OTOGL: variants seen among roughly 807,000 people sequenced by gnomAD.
OTOGL encodes the protein otogelin like.
Under a neutral mutation model 318.5 loss-of-function variants are expected in OTOGL, and 285 were observed. The observed-to-expected ratio is 0.89, with a 90% CI of 0.81 to 0.99. The LOEUF (loss-of-function observed/expected upper bound fraction) is 0.99, where lower values mean the gene tolerates loss of function less well. Ranked by LOEUF, OTOGL falls within the 50% of genes least tolerant of loss-of-function variation. OTOGL has a pLI of 0.00. For missense variants in OTOGL, 2,899 were observed against 2,845.6 expected, an observed-to-expected ratio of 1.02 and a Z score of -0.43; for synonymous variants, 987 against 936.5, an observed-to-expected ratio of 1.05 and a Z score of -0.99.
chr12:80,295,524 G>T (rs2137702615), intron 26 of OTOGL, among the ~76,000 whole-genome samples: 1 of 152,282 alleles, frequency 6.6e-6, no homozygotes, highest in East Asian at 1.9e-4. Flanking sequence ...GAAAATAAAT[G>T]CTGACCCATG....
At chr12:80,278,856 C>T (rs980882333) in intron 25 of OTOGL, among the ~76,000 whole-genome samples, 172 bp from the exon 26 acceptor site, 8 of 151,428 alleles carry the variant, frequency 5.3e-5, no homozygotes, top group Non-Finnish European at 1.0e-4. Context: ...AAGTGAAAAA[C>T]GTATGCCTAA....
intron 37 of OTOGL, among the ~76,000 whole-genome samples, chr12:80,332,741 T>C (rs1415324179): frequency 6.6e-6 from 1 of 152,202 alleles, no homozygotes; most frequent in Non-Finnish European, 1.5e-5. Context: ...TAAAGAATGG[T>C]GATTAAAAGC....
intron 34 of OTOGL, among the ~76,000 whole-genome samples, chr12:80,321,845 A>G (rs1316403050): frequency 2.0e-5 from 3 of 152,224 alleles, no homozygotes; most frequent in Non-Finnish European, 1.5e-5. Context: ...TACTTAACAG[A>G]CAGGCAGCAA....
intron 11 of OTOGL, among the ~76,000 whole-genome samples, chr12:80,242,745 A>G (rs1478952245): frequency 6.6e-6 from 1 of 152,138 alleles, no homozygotes; most frequent in Non-Finnish European, 1.5e-5. Context: ...TCTCTGTCCT[A>G]GGAACTCATA....
At chr12:80,134,110 C>G (rs1871401813) in intron 1 of OTOGL, among the ~76,000 whole-genome samples, 1 of 152,128 alleles carries the variant, frequency 6.6e-6, no homozygotes, top group Admixed American at 6.6e-5. Context: ...TGTTACCATC[C>G]TATTATTCAT....
chr12:80,314,209 CAT>C (rs1389438184), intron 31 of OTOGL, 94 bp from the exon 32 acceptor site: 7 of 369,086 alleles, frequency 1.9e-5, no homozygotes, highest in Non-Finnish European at 3.3e-5. Flanking sequence ...TATTCTTTCA[CAT>C]AGTTATTGAT....
At chr12:80,183,419 A>C (rs1875066762) in intron 1 of OTOGL, among the ~76,000 whole-genome samples, 1 of 152,240 alleles carries the variant, frequency 6.6e-6, no homozygotes, top group Non-Finnish European at 1.5e-5. Flanking sequence ...TTGAGAAATC[A>C]GGTGGATAAT....
At chr12:80,215,861 C>G (rs1877669418) in intron 4 of OTOGL, among the ~76,000 whole-genome samples, 1 of 152,116 alleles carries the variant, frequency 6.6e-6, no homozygotes, top group African/African-American at 2.4e-5. Context: ...ACTGTTGTTG[C>G]ATCTAATTTA....
At chr12:80,330,934 A>AT (rs1888028639) in intron 37 of OTOGL, among the ~76,000 whole-genome samples, 1 of 152,228 alleles carries the variant, frequency 6.6e-6, no homozygotes, top group Admixed American at 6.5e-5. Flanking sequence ...GAAGTGTAAA[A>AT]TTTGTACCAT....
At chr12:80,301,824 A>AATT (rs1181663317) in intron 27 of OTOGL, among the ~76,000 whole-genome samples, 1 of 152,194 alleles carries the variant, frequency 6.6e-6, no homozygotes, top group East Asian at 1.9e-4. Flanking sequence ...TAGCAGACCC[A>AATT]ATTGCCATCA....
At chr12:80,354,134 G>C (rs1410499094) in intron 46 of OTOGL, among the ~76,000 whole-genome samples, 1 of 152,184 alleles carries the variant, frequency 6.6e-6, no homozygotes, top group Admixed American at 6.5e-5. Context: ...CCTTCTCAAG[G>C]TTGTGAGTGA....
chr12:80,293,429 T>C (rs1399327895), intron 26 of OTOGL, among the ~76,000 whole-genome samples: 1 of 152,204 alleles, frequency 6.6e-6, no homozygotes, highest in Non-Finnish European at 1.5e-5. Flanking sequence ...TTTTCCCAAC[T>C]TTTTATGTCT....
At chr12:80,241,003 A>G (rs1880325844) in intron 11 of OTOGL, among the ~76,000 whole-genome samples, 1 of 152,126 alleles carries the variant, frequency 6.6e-6, no homozygotes, top group Non-Finnish European at 1.5e-5. Flanking sequence ...ATGAATCCCA[A>G]GAAGTATAAG....
At chr12:80,355,019 C>T (rs4842282) in intron 46 of OTOGL, among the ~76,000 whole-genome samples, 13,565 of 151,886 alleles carry the variant, frequency 0.089, 667 homozygotes, top group East Asian at 0.17. Context: ...TTTCTCATCC[C>T]ACTCATTTTT....
chr12:80,162,839 G>A (rs1446933603), intron 1 of OTOGL, among the ~76,000 whole-genome samples: 2 of 151,942 alleles, frequency 1.3e-5, no homozygotes, highest in African/African-American at 4.8e-5. Flanking sequence ...TGTGGGGGGT[G>A]GGGTGGACAC....
intron 1 of OTOGL, among the ~76,000 whole-genome samples, chr12:80,197,668 G>A (rs1457891364): frequency 6.6e-6 from 1 of 152,226 alleles, no homozygotes; most frequent in Non-Finnish European, 1.5e-5. Flanking sequence ...AGCAGAGGCA[G>A]GAAAGCCGAT....
At chr12:80,249,508 G>A (rs908913967) in intron 11 of OTOGL, among the ~76,000 whole-genome samples, 7 of 151,804 alleles carry the variant, frequency 4.6e-5, no homozygotes, top group African/African-American at 1.7e-4. Context: ...CACTTGAGGA[G>A]GCAGTCTGCC....
In OTOGL at chr12:80,210,987, A is replaced by G. The variant is rs80086846; in HGVS notation, c.119+101A>G. 0.02 allele frequency: 15,070 copies of G among 736,440 alleles called. 218 individuals carry two copies. The highest frequency in any genetic ancestry group is 0.026 in the Non-Finnish European group (13,259 of 516,666). 45.6% of individuals were successfully genotyped at this position (736,440 alleles called of 1,614,324 possible). On this transcript the variant is annotated intron_variant, in intron 3 of 58. Transcript: ENST00000547103. Reference sequence around the variant, plus strand: ...ATCTGCTTTTGAAAAAAATAAGTGAAATGTTTTACAAAAAAGCATGAAATA... The same window carrying G: ...ATCTGCTTTTGAAAAAAATAAGTGAGATGTTTTACAAAAAAGCATGAAATA...
chr12:80,362,463 T>G (rs890099839), intron 52 of OTOGL, among the ~76,000 whole-genome samples: 1 of 152,068 alleles, frequency 6.6e-6, no homozygotes, highest in Non-Finnish European at 1.5e-5. Flanking sequence ...GGCTATTTGG[T>G]GTCTTTTGTG....
Sources: allele counts gnomAD v4.1 joint callset (sites outside exome capture counted in the v4.1 genomes callset), GRCh38; gene constraint gnomAD v4.1.1; transcripts MANE v1.5; gene names NCBI Gene and HGNC (gene_info 2026-07-23, HGNC 2026-07-21).